Variants in GRM7 observed in about 807,000 individuals in gnomAD.
The protein encoded by GRM7 is glutamate metabotropic receptor 7, also known as metabotropic glutamate receptor 7.
A neutral mutation model predicts 84.5 loss-of-function variants in GRM7; 35 were observed. That is an observed-to-expected ratio of 0.41 (90% CI 0.32 to 0.55). The LOEUF (loss-of-function observed/expected upper bound fraction) is 0.55, where lower values mean the gene tolerates loss of function less well. GRM7 is among the 20% of genes least tolerant of loss of function. The probability of loss-of-function intolerance (pLI) is 0.19; values close to 1 mark genes in which losing one functional copy is unlikely to be tolerated. For synonymous variants in GRM7, 487 were observed against 455.1 expected (o/e 1.07, Z -0.89); for missense variants, 1,003 against 1,194.6 (o/e 0.84, Z 2.36).
chr3:7,142,419 G>C (rs1693975479), intron 1 of GRM7, among the ~76,000 whole-genome samples: 1 of 152,106 alleles, frequency 6.6e-6, no homozygotes, highest in Admixed American at 6.6e-5. Context: ...GAAGGCGAAG[G>C]GGAAGCAGGG....
chr3:7,485,705 T>A (rs1457485605), intron 7 of GRM7, among the ~76,000 whole-genome samples: 1 of 152,236 alleles, frequency 6.6e-6, no homozygotes, highest in Non-Finnish European at 1.5e-5. Flanking sequence ...TAGCCCTTGT[T>A]TTCCCAGAGG....
intron 4 of GRM7, among the ~76,000 whole-genome samples, chr3:7,350,045 G>A (rs987495409): frequency 2.0e-5 from 3 of 152,020 alleles, no homozygotes; most frequent in South Asian, 4.1e-4. Context: ...CACTTGATCC[G>A]TGTAGCAGGT....
chr3:7,666,489 C>T (rs568030898), intron 8 of GRM7, among the ~76,000 whole-genome samples: 281 of 152,240 alleles, frequency 1.8e-3, no homozygotes, highest in Middle Eastern at 3.4e-3. Context: ...CTGGTTGCTC[C>T]GTGCAGAATT....
At chr3:7,489,724 T>C (rs1041399699) in intron 7 of GRM7, among the ~76,000 whole-genome samples, 1 of 152,122 alleles carries the variant, frequency 6.6e-6, no homozygotes, top group Non-Finnish European at 1.5e-5. Flanking sequence ...TAGGTATATA[T>C]AGTATGAATA....
intron 1 of GRM7, among the ~76,000 whole-genome samples, chr3:7,110,008 A>C (rs959138071): frequency 6.6e-6 from 1 of 152,128 alleles, no homozygotes; most frequent in Non-Finnish European, 1.5e-5. Context: ...TAACCTACAA[A>C]TGTACTTCAG....
At chr3:7,469,129 C>G (rs931563121) in intron 7 of GRM7, among the ~76,000 whole-genome samples, 2 of 152,192 alleles carry the variant, frequency 1.3e-5, no homozygotes, top group African/African-American at 4.8e-5. Flanking sequence ...AAACTATACA[C>G]ATTACTTAAG....
chr3:7,507,021 C>A (rs1367007610), intron 7 of GRM7, among the ~76,000 whole-genome samples: 2 of 152,160 alleles, frequency 1.3e-5, no homozygotes, highest in Admixed American at 1.3e-4. Context: ...TCAGTGTGAG[C>A]TTCTACAAGC....
At chr3:6,912,135 A>C (rs1157179360) in intron 1 of GRM7, among the ~76,000 whole-genome samples, 1 of 152,182 alleles carries the variant, frequency 6.6e-6, no homozygotes, top group Non-Finnish European at 1.5e-5. Context: ...AATATCACCT[A>C]TGCTCCCACA....
intron 2 of GRM7, among the ~76,000 whole-genome samples, chr3:7,184,594 C>A (rs1431304252): frequency 6.6e-6 from 1 of 151,984 alleles, no homozygotes; most frequent in Non-Finnish European, 1.5e-5. Context: ...AAACTGCTTT[C>A]TCTCTCCATG....
At chr3:7,078,317 G>T (rs964061999) in intron 1 of GRM7, among the ~76,000 whole-genome samples, 5 of 152,300 alleles carry the variant, frequency 3.3e-5, no homozygotes, top group African/African-American at 1.2e-4. Context: ...CCTGCCTAAG[G>T]CCTATTGATT....
rs77678964 is a variant in GRM7, at chr3:7,176,209, G to A, written c.736+29541G>A. ...AGGACCAGCCTGGGCAACATAAGGA[G>A]ACCTCATCTCTATAAAAAGTAAAAA... On this transcript the variant is annotated intron_variant, in intron 2 of 9. Transcript: ENST00000357716. 1.6e-4 allele frequency among the ~76,000 whole-genome samples: 19 copies of A among 122,040 alleles called. No individual in the cohort carries two copies. The East Asian group carries it at 5.2e-3, about 33-fold the overall frequency. 80.1% of individuals were successfully genotyped at this position (122,040 alleles called of 152,430 possible). A position where few individuals can be genotyped will look rare whatever the true frequency, so the allele number is the denominator to read the frequency against.
At chr3:7,728,412 G>C (rs1278217994) in intron 9 of GRM7, among the ~76,000 whole-genome samples, 4 of 152,102 alleles carry the variant, frequency 2.6e-5, no homozygotes, top group Non-Finnish European at 4.4e-5. Flanking sequence ...CGATCTCTAT[G>C]CCTGATTAAT....
At chr3:7,046,107 C>T (rs1696798837) in intron 1 of GRM7, among the ~76,000 whole-genome samples, 1 of 152,060 alleles carries the variant, frequency 6.6e-6, no homozygotes, top group South Asian at 2.1e-4. Context: ...GGTTGACTTT[C>T]CCTGATAATC....
chr3:7,022,929 C>G (rs1695833293), intron 1 of GRM7, among the ~76,000 whole-genome samples: 1 of 152,016 alleles, frequency 6.6e-6, no homozygotes, highest in Non-Finnish European at 1.5e-5. Context: ...TATCCAATAA[C>G]CCAGTGTATT....
At chr3:7,030,238 C>A (rs1044978381) in intron 1 of GRM7, among the ~76,000 whole-genome samples, 1 of 152,124 alleles carries the variant, frequency 6.6e-6, no homozygotes, top group Non-Finnish European at 1.5e-5. Flanking sequence ...TTAGAAAATG[C>A]AGTCTAATCT....
Position 6,863,054 on chromosome 3 carries a change from T to C in GRM7, c.519+1147T>C. 2.2e-6 allele frequency: 1 copy of C among 454,782 alleles called. No individual in the cohort carries two copies. The highest frequency in any genetic ancestry group is 7.0e-5 in the East Asian group (1 of 14,214). 28.2% of individuals were successfully genotyped at this position (454,782 alleles called of 1,614,324 possible). A position where few individuals can be genotyped will look rare whatever the true frequency, so the allele number is the denominator to read the frequency against. On this transcript the variant is annotated intron_variant, in intron 1 of 9. Transcript: ENST00000357716. The surrounding 1 kb of genome is among the most constrained non-coding windows in gnomAD (Gnocchi z 4.8). ...AAATTGAGTTTCAGGGTCTCTGTGA[T>C]TGTAGGTTCCCTCCTCTGTGTCTTT...
At chr3:7,604,235 G>T (rs746014209) in intron 8 of GRM7, among the ~76,000 whole-genome samples, 2 of 151,872 alleles carry the variant, frequency 1.3e-5, no homozygotes, top group African/African-American at 4.8e-5. Context: ...TCTCAAAAAA[G>T]GTTATTTGTG....
intron 8 of GRM7, among the ~76,000 whole-genome samples, chr3:7,634,638 C>A (rs550328424): frequency 2.0e-5 from 3 of 151,772 alleles, no homozygotes; most frequent in African/African-American, 7.3e-5. Flanking sequence ...ACTAAAAATA[C>A]ATAAAATTAG....
At chr3:7,685,009 A>C (rs549417147) in intron 9 of GRM7, among the ~76,000 whole-genome samples, 1 of 152,180 alleles carries the variant, frequency 6.6e-6, no homozygotes, top group South Asian at 2.1e-4. Flanking sequence ...TCCCACCTGC[A>C]TCCTGAATTT....
Sources: allele counts gnomAD v4.1 joint callset (sites outside exome capture counted in the v4.1 genomes callset), GRCh38; gene constraint gnomAD v4.1.1; non-coding constraint Gnocchi (gnomAD v3.1); transcripts MANE v1.5; gene names NCBI Gene and HGNC (gene_info 2026-07-23, HGNC 2026-07-21).